The following NOX4 variants were observed in gnomAD, a reference collection of about 807,000 sequenced individuals.
The protein encoded by NOX4 is NADPH oxidase 4, also known as kidney oxidase-1.
NOX4 carries 69 observed loss-of-function variants against 87.6 expected under a neutral mutation model. The observed-to-expected ratio is 0.79, with a 90% CI of 0.65 to 0.96. The LOEUF is 0.96. Among genes scored for constraint, NOX4 ranks in the 40% least tolerant of loss-of-function variants. NOX4 has a pLI of 0.00. For synonymous variants in NOX4, 275 were observed against 238.2 expected (o/e 1.15, Z -1.42); for missense variants, 680 against 681.5 (o/e 1.00, Z 0.02).
At chr11:89,427,558 G>A (rs1392127934) in intron 7 of NOX4, among the ~76,000 whole-genome samples, 7 of 152,130 alleles carry the variant, frequency 4.6e-5, no homozygotes, top group Non-Finnish European at 8.8e-5. Flanking sequence ...ACCATGGCAC[G>A]AGAACTACGT....
At chr11:89,539,173 C>G in the NOX4 span, among the ~76,000 whole-genome samples, 32 of 152,248 alleles carry the variant, frequency 2.1e-4, no homozygotes, top group African/African-American at 7.0e-4. Context: ...GTGGCTCACG[C>G]CTGTAATCCC....
At chr11:89,438,839 ATATATAT>A (rs1944281661) in intron 6 of NOX4, among the ~76,000 whole-genome samples, 2 of 39,044 alleles carry the variant, frequency 5.1e-5, no homozygotes, top group African/African-American at 2.7e-4. Context: ...CTTATATATT[ATATATAT>A]TATATAATAT....
At chr11:89,348,400 G>T (rs1475259506) in intron 13 of NOX4, among the ~76,000 whole-genome samples, 1 of 151,128 alleles carries the variant, frequency 6.6e-6, no homozygotes, top group Non-Finnish European at 1.5e-5. Flanking sequence ...GGGTAACAGA[G>T]TAAGACTCCA....
At chr11:89,473,439 A>C (rs76920224) in intron 2 of NOX4, among the ~76,000 whole-genome samples, 2 of 151,548 alleles carry the variant, frequency 1.3e-5, no homozygotes, top group Non-Finnish European at 2.9e-5. Flanking sequence ...AGAAGCCAAA[A>C]AGATATACTG....
intron 11 of NOX4, among the ~76,000 whole-genome samples, chr11:89,386,112 A>C (rs552988998): frequency 7.9e-5 from 12 of 152,148 alleles, no homozygotes; most frequent in African/African-American, 1.2e-4. Context: ...CAATACTTTT[A>C]CCACTTGCCC....
At chr11:89,415,746 C>T (rs1334775612) in intron 8 of NOX4, among the ~76,000 whole-genome samples, 1 of 151,954 alleles carries the variant, frequency 6.6e-6, no homozygotes, top group Non-Finnish European at 1.5e-5. Flanking sequence ...GTAATGGGCA[C>T]CAAACTGATA....
chr11:89,540,491 A>C, the NOX4 span, among the ~76,000 whole-genome samples: 3 of 152,062 alleles, frequency 2.0e-5, no homozygotes, highest in South Asian at 2.1e-4. Flanking sequence ...TTTCTTTAAA[A>C]ATTTTGAAAG....
intron 2 of NOX4, among the ~76,000 whole-genome samples, chr11:89,472,258 A>T (rs1302568469): frequency 6.6e-6 from 1 of 152,152 alleles, no homozygotes; most frequent in East Asian, 1.9e-4. Context: ...ACCATAATTC[A>T]TTCCAAATGA....
intron 7 of NOX4, among the ~76,000 whole-genome samples, chr11:89,427,386 G>T (rs1189152530): frequency 1.3e-5 from 2 of 152,160 alleles, no homozygotes; most frequent in South Asian, 4.1e-4. Flanking sequence ...TGATTTTGAC[G>T]AGTTGAGAGA....
At chr11:89,565,669 A>G in the NOX4 span, among the ~76,000 whole-genome samples, 1 of 152,116 alleles carries the variant, frequency 6.6e-6, no homozygotes, top group African/African-American at 2.4e-5. Context: ...TGGCACATGT[A>G]TACATATGTA....
At chr11:89,426,933 G>T (rs945521612) in intron 7 of NOX4, among the ~76,000 whole-genome samples, 1 of 152,172 alleles carries the variant, frequency 6.6e-6, no homozygotes, top group Non-Finnish European at 1.5e-5. Context: ...CCTCAAGTAG[G>T]TCCCTGACCC....
intron 17 of NOX4, among the ~76,000 whole-genome samples, chr11:89,329,742 C>A (rs1256790332): frequency 6.6e-6 from 1 of 151,974 alleles, no homozygotes; most frequent in Admixed American, 6.6e-5. Flanking sequence ...AAATATAAAT[C>A]AAGACATCAA....
chr11:89,563,672 C>A, the NOX4 span, among the ~76,000 whole-genome samples: 3 of 152,098 alleles, frequency 2.0e-5, no homozygotes, highest in Admixed American at 6.6e-5. Flanking sequence ...GACAGTTGAT[C>A]CCTGCTTTCA....
the NOX4 span, among the ~76,000 whole-genome samples, chr11:89,587,924 CA>C: frequency 6.6e-6 from 1 of 152,088 alleles, no homozygotes; most frequent in African/African-American, 2.4e-5. Context: ...ATACAATAAT[CA>C]GTAACTTTAT....
At chr11:89,547,377 G>T in the NOX4 span, among the ~76,000 whole-genome samples, 1 of 152,128 alleles carries the variant, frequency 6.6e-6, no homozygotes, top group East Asian at 1.9e-4. Flanking sequence ...ATATACTCAT[G>T]GAATAATAAT....
the NOX4 span, among the ~76,000 whole-genome samples, chr11:89,533,317 G>A: frequency 6.6e-6 from 1 of 151,228 alleles, no homozygotes; most frequent in Non-Finnish European, 1.5e-5. Flanking sequence ...TTCCATTTTT[G>A]TTCCTGCCTC....
rs148208109 is a variant in NOX4 at position 89,362,173 on chromosome 11, GACAC to G, written c.1136-7134_1136-7131del. On this transcript the variant is annotated intron_variant, in intron 12 of 17. Transcript: ENST00000263317. ...GCATTTTACATTACACACAGACACA[GACAC>G]ACACACACACACACACACACACCTT... Among the ~76,000 whole-genome samples the G allele has an allele frequency of 9.0e-4, 132 of 146,954 alleles. 1 individual carries two copies. Among genetic ancestry groups the G allele is most frequent in the African/African-American group, 2.6e-3 (104 of 40,480 alleles).
chr11:89,586,831 A>G, the NOX4 span, among the ~76,000 whole-genome samples: 2 of 152,142 alleles, frequency 1.3e-5, no homozygotes, highest in Non-Finnish European at 2.9e-5. Flanking sequence ...AAGAAAAATC[A>G]TGTACATTGA....
intron 12 of NOX4, among the ~76,000 whole-genome samples, chr11:89,364,364 C>T (rs1266271808): frequency 6.6e-6 from 1 of 151,788 alleles, no homozygotes; most frequent in Non-Finnish European, 1.5e-5. Context: ...AATCTTGTGT[C>T]ATAAGATTCT....
Sources: gnomAD v4.1 joint callset for allele counts (sites outside exome capture counted in the v4.1 genomes callset) on GRCh38, gnomAD v4.1.1 for gene constraint, MANE v1.5 for transcripts, NCBI Gene and HGNC (gene_info 2026-07-23, HGNC 2026-07-21) for gene names.